CORO1C: variants seen among roughly 807,000 people sequenced by gnomAD.
CORO1C encodes the protein coronin-1C.
Under a neutral mutation model 51.2 loss-of-function variants are expected in CORO1C, and 14 were observed. That is an observed-to-expected ratio of 0.27 (90% confidence interval 0.18 to 0.43). CORO1C has a LOEUF of 0.43. Among genes scored for constraint, CORO1C ranks in the 20% least tolerant of loss-of-function variants. The probability of loss-of-function intolerance (pLI) is 1.00; values close to 1 mark genes in which losing one functional copy is unlikely to be tolerated. For missense variants in CORO1C, 417 were observed against 607.8 expected (o/e 0.69, Z 3.30); for synonymous variants, 181 against 210.5 (o/e 0.86, Z 1.21).
chr12:108,676,949 A>G (rs1023585200), intron 3 of CORO1C, among the ~76,000 whole-genome samples: 4 of 152,182 alleles, frequency 2.6e-5, no homozygotes, highest in African/African-American at 9.7e-5. Context: ...AGATCACAGG[A>G]GGAGACATTC....
rs1445219100 is a variant in CORO1C at position 108,718,368 on chromosome 12, CG to C, written c.-6+13060del. ...GGGCGACAAGAGTGAGACTCCGTCT[CG>C]AAAAAAAAAAAAAAATACAAAAATT... On this transcript the variant is annotated intron_variant, in intron 1 of 10. Transcript: ENST00000261401. Among the ~76,000 whole-genome samples, 7 of 101,006 alleles carry C rather than the reference CG, an allele frequency of 6.9e-5. No individual in the cohort carries two copies. The East Asian group carries it at 1.6e-3, about 23-fold the overall frequency. The allele number at this position is 101,006 out of a possible 152,430, so 66.3% of individuals were successfully genotyped here.
At chr12:108,728,120 A>G (rs941798493) in intron 1 of CORO1C, among the ~76,000 whole-genome samples, 32 of 152,210 alleles carry the variant, frequency 2.1e-4, no homozygotes, top group African/African-American at 7.5e-4. Flanking sequence ...AAAATGGTGC[A>G]GCTGCTTTGG....
chr12:108,716,658 G>C (rs1281085404), intron 1 of CORO1C, among the ~76,000 whole-genome samples: 1 of 152,066 alleles, frequency 6.6e-6, no homozygotes, highest in African/African-American at 2.4e-5. Context: ...CTGGTTGTTT[G>C]TTTCTTCATC....
At chr12:108,664,465 T>C (rs2033396952) in intron 3 of CORO1C, among the ~76,000 whole-genome samples, 1 of 152,234 alleles carries the variant, frequency 6.6e-6, no homozygotes, top group African/African-American at 2.4e-5. Context: ...TGTTCATTTT[T>C]ACAGCTAAAT....
At chr12:108,666,393 G>A (rs1316190255) in intron 3 of CORO1C, among the ~76,000 whole-genome samples, 1 of 152,202 alleles carries the variant, frequency 6.6e-6, no homozygotes, top group Admixed American at 6.5e-5. Context: ...GTAAAGAGGG[G>A]GTGGTGTTCT....
At chr12:108,716,269 T>C (rs908731377) in intron 1 of CORO1C, among the ~76,000 whole-genome samples, 2 of 152,180 alleles carry the variant, frequency 1.3e-5, no homozygotes, top group Non-Finnish European at 2.9e-5. Context: ...AAGTCTGTTT[T>C]TCACTACTTA....
At position 108,657,304 on chromosome 12, in the gene CORO1C, C is replaced by T. The variant is rs762555895; in HGVS notation, c.750G>A (p.Pro250=). 1.2e-6 allele frequency: 2 copies of T among 1,613,466 alleles called. No homozygotes were observed. The highest frequency in any genetic ancestry group is 1.1e-5 in the South Asian group (1 of 91,002). The change falls in exon 6 of 11, where the codon CCG becomes CCA. Residue 250 remains proline, a splice_region_variant and synonymous_variant. Transcript: ENST00000261401. ...MSERQLALWN[P]KNMQEPIALH... ...AGTGGAAAGCCTGGGGAGGGCGTAC[C>T]GGATTCCAGAGAGCCAGCTGCCGCT...
At chr12:108,712,376 C>A (rs185523427) in intron 1 of CORO1C, among the ~76,000 whole-genome samples, 56 of 152,078 alleles carry the variant, frequency 3.7e-4, no homozygotes, top group African/African-American at 1.2e-3. Flanking sequence ...GAATTCGAGA[C>A]CAGCCTGGCC....
chr12:108,703,778 C>CCCTGGA (rs4014703), intron 1 of CORO1C, among the ~76,000 whole-genome samples: 92,193 of 151,442 alleles, frequency 0.61, 28,856 homozygotes, highest in East Asian at 0.99. Context: ...TGACTATGGG[C>CCCTGGA]CTGGATGACA....
At chr12:108,649,279 C>T in intron 8 of CORO1C, 1 of 517,474 alleles carries the variant, frequency 1.9e-6, no homozygotes. Context: ...ATGATGATGA[C>T]AAATGCCAAT....
intron 3 of CORO1C, among the ~76,000 whole-genome samples, chr12:108,674,668 T>C (rs1364216077): frequency 6.6e-6 from 1 of 152,016 alleles, no homozygotes; most frequent in Middle Eastern, 3.2e-3. Flanking sequence ...GTTCAAGACT[T>C]TGGTGGAAGA....
At chr12:108,668,060 G>C (rs2033558247) in intron 3 of CORO1C, among the ~76,000 whole-genome samples, 1 of 152,156 alleles carries the variant, frequency 6.6e-6, no homozygotes, top group Non-Finnish European at 1.5e-5. Flanking sequence ...GCCATAAAAA[G>C]GGTTACACCC....
At chr12:108,692,503 C>T (rs758779455) in intron 2 of CORO1C, among the ~76,000 whole-genome samples, 3 of 152,224 alleles carry the variant, frequency 2.0e-5, no homozygotes, top group African/African-American at 4.8e-5. Flanking sequence ...GTGGATCACA[C>T]AGAAAAGCAC....
intron 1 of CORO1C, among the ~76,000 whole-genome samples, chr12:108,706,690 G>A (rs1048981495): frequency 6.6e-6 from 1 of 152,166 alleles, no homozygotes; most frequent in Non-Finnish European, 1.5e-5. Context: ...CGCCTCCGGG[G>A]TTCAAGCGAT....
intron 3 of CORO1C, among the ~76,000 whole-genome samples, chr12:108,674,549 AT>A (rs1373146494): frequency 1.1e-4 from 12 of 112,194 alleles, no homozygotes; most frequent in African/African-American, 2.5e-4. Flanking sequence ...CTCCGTCTCA[AT>A]TTAAAAAAAA....
chr12:108,687,922 C>T (rs2034356644), intron 2 of CORO1C, among the ~76,000 whole-genome samples: 1 of 135,398 alleles, frequency 7.4e-6, no homozygotes, highest in Non-Finnish European at 1.7e-5. Flanking sequence ...TCCCCTCTGA[C>T]CCTTTTTTTT....
At chr12:108,723,184 C>T (rs938217577) in intron 1 of CORO1C, among the ~76,000 whole-genome samples, 16 of 152,210 alleles carry the variant, frequency 1.1e-4, no homozygotes, top group Admixed American at 1.0e-3. Context: ...TGACTAGTTT[C>T]CTAATAAATC....
At chr12:108,649,251 A>G (rs1037669625) in intron 8 of CORO1C, 2 of 585,002 alleles carry the variant, frequency 3.4e-6, no homozygotes, top group East Asian at 5.8e-5. Flanking sequence ...GACAAGAACC[A>G]TGAGTAGAGG....
chr12:108,664,862 T>A (rs932220428), intron 3 of CORO1C, among the ~76,000 whole-genome samples: 1 of 152,214 alleles, frequency 6.6e-6, no homozygotes, highest in African/African-American at 2.4e-5. Flanking sequence ...GACTACTAAT[T>A]TGATCAAAGC....
Sources: gnomAD v4.1 joint callset for allele counts (sites outside exome capture counted in the v4.1 genomes callset) on GRCh38, gnomAD v4.1.1 for gene constraint, MANE v1.5 for transcripts, NCBI Gene and HGNC (gene_info 2026-07-23, HGNC 2026-07-21) for gene names.